Variants in JAK1 observed in about 807,000 individuals in gnomAD.
JAK1 encodes the protein tyrosine-protein kinase JAK1.
Under a neutral mutation model 136.6 loss-of-function variants are expected in JAK1, and 16 were observed. The observed-to-expected ratio is 0.12, with a 90% CI of 0.08 to 0.18. The LOEUF is 0.18. Among genes scored for constraint, JAK1 ranks in the 10% least tolerant of loss-of-function variants. The pLI is 1.00. For synonymous variants in JAK1, 492 were observed against 519.5 expected (o/e 0.95, Z 0.72); for missense variants, 859 against 1,450.1 (o/e 0.59, Z 6.62).
intron 2 of JAK1, chr1:64,972,115 C>G (rs1479591011): frequency 6.6e-6 from 1 of 152,090 alleles, no homozygotes; most frequent in African/African-American, 2.4e-5. Context: ...ATACAATGAC[C>G]CTAGTAGATG....
At chr1:64,953,835 T>C (rs1365714115) in intron 1 of JAK1, among the ~76,000 whole-genome samples, 2 of 151,692 alleles carry the variant, frequency 1.3e-5, no homozygotes, top group Non-Finnish European at 3.0e-5. Context: ...AATTTCTTTT[T>C]TTCTTTTTTT....
intron 2 of JAK1, chr1:64,974,459 C>T (rs1646480501): frequency 6.6e-6 from 1 of 152,192 alleles, no homozygotes; most frequent in Admixed American, 6.5e-5. Flanking sequence ...AGCCCATTTA[C>T]CTCAGTAAAT....
intron 1 of JAK1, among the ~76,000 whole-genome samples, chr1:64,905,546 T>C (rs764470547): frequency 6.6e-6 from 1 of 152,182 alleles, no homozygotes; most frequent in African/African-American, 2.4e-5. Flanking sequence ...TATTGTACAG[T>C]AGGCCCCCTG....
At chr1:64,881,847 G>A (rs1644777552) in intron 3 of JAK1, among the ~76,000 whole-genome samples, 1 of 152,078 alleles carries the variant, frequency 6.6e-6, no homozygotes, top group Non-Finnish European at 1.5e-5. Flanking sequence ...CAAACTGAGT[G>A]AGGTTTATAC....
chr1:65,065,207 G>C (rs1569982773), intron 1 of JAK1, among the ~76,000 whole-genome samples: 3 of 152,298 alleles, frequency 2.0e-5, no homozygotes, highest in Admixed American at 2.0e-4. Context: ...AAGGGAGACT[G>C]TTGGTTTTTA....
chr1:65,062,162 G>A (rs1647821315), intron 1 of JAK1, among the ~76,000 whole-genome samples: 1 of 151,966 alleles, frequency 6.6e-6, no homozygotes, highest in Non-Finnish European at 1.5e-5. Flanking sequence ...TACATGACTG[G>A]CCCATATATT....
intron 8 of JAK1, among the ~76,000 whole-genome samples, chr1:64,860,490 G>A (rs370217853): frequency 2.3e-4 from 35 of 151,478 alleles, no homozygotes; most frequent in African/African-American, 7.8e-4. Context: ...GTTTCACTCT[G>A]TCGCCCAGGC....
At chr1:64,921,130 C>T (rs770497235) in intron 1 of JAK1, among the ~76,000 whole-genome samples, 2 of 152,156 alleles carry the variant, frequency 1.3e-5, no homozygotes, top group African/African-American at 4.8e-5. Flanking sequence ...GCATGACTCA[C>T]ACATCTGAAT....
chr1:64,913,785 A>T (rs1241193640), intron 1 of JAK1, among the ~76,000 whole-genome samples: 1 of 151,952 alleles, frequency 6.6e-6, no homozygotes, highest in Non-Finnish European at 1.5e-5. Context: ...AACTCCATAT[A>T]AGGGTGGATC....
chr1:64,989,667 G>A (rs1646637073), intron 2 of JAK1: 1 of 152,120 alleles, frequency 6.6e-6, no homozygotes. Context: ...GAAGAACAAG[G>A]CCTGAGGCAA....
At chr1:64,988,691 T>C (rs1646622967) in intron 2 of JAK1, among the ~76,000 whole-genome samples, 1 of 150,740 alleles carries the variant, frequency 6.6e-6, no homozygotes, top group Non-Finnish European at 1.5e-5. Flanking sequence ...CAGACTAGCC[T>C]GGGAAACACA....
At position 64,883,311 on chromosome 1, in the gene JAK1, T is replaced by C. The variant is rs756508392; in HGVS notation, c.171A>G (p.Ala57=). The C allele has an allele frequency of 8.1e-6, 13 of 1,614,068 alleles. No homozygotes were observed. The East Asian group carries it at 2.2e-4, about 28-fold the overall frequency. ...PLRLGSGEYT[A]EELCIRAAQA... ...GTGCAGCCCTGATGCACAGTTCCTC[T>C]GCTGTGTACTCTCCACTGCCCAGCC... Residue 57 remains alanine, a synonymous_variant, in exon 3 of 25, where the codon GCA becomes GCG. Coordinates refer to ENST00000342505, the MANE Select transcript of JAK1 (RefSeq NM_002227.4).
chr1:64,857,624 A>G (rs774959161), intron 10 of JAK1, 32 bp downstream of exon 10: 6 of 1,612,920 alleles, frequency 3.7e-6, no homozygotes, highest in Non-Finnish European at 5.1e-6. Flanking sequence ...TCATGGCTGT[A>G]TGGCCTGGTC....
At chr1:64,838,963 G>A (rs1191373085) in intron 20 of JAK1, among the ~76,000 whole-genome samples, 1 of 150,736 alleles carries the variant, frequency 6.6e-6, no homozygotes, top group Non-Finnish European at 1.5e-5. Context: ...GGCTAACACG[G>A]TGAAACCCCG....
chr1:64,919,653 T>C (rs952528760), intron 1 of JAK1, among the ~76,000 whole-genome samples: 1 of 152,196 alleles, frequency 6.6e-6, no homozygotes, highest in African/African-American at 2.4e-5. Context: ...TGTTCCTATT[T>C]CTCCACATCA....
At chr1:64,991,565 T>C (rs1185564436) in intron 2 of JAK1, 1 of 152,272 alleles carries the variant, frequency 6.6e-6, no homozygotes, top group Non-Finnish European at 1.5e-5. Flanking sequence ...GGAATGCAGA[T>C]GCCTGCTTTC....
chr1:65,025,559 A>G (rs1646970902), intron 2 of JAK1, among the ~76,000 whole-genome samples: 1 of 152,218 alleles, frequency 6.6e-6, no homozygotes, highest in Non-Finnish European at 1.5e-5. Context: ...TAAAATCATT[A>G]AAAAGTCACT....
intron 2 of JAK1, among the ~76,000 whole-genome samples, chr1:65,013,789 C>G (rs1646870131): frequency 6.6e-6 from 1 of 152,120 alleles, no homozygotes; most frequent in African/African-American, 2.4e-5. Flanking sequence ...TAATAAGCAT[C>G]ACGTATGAGA....
In JAK1 at chr1:64,912,533, C is replaced by T. The variant is rs1383314085; in HGVS notation, c.-77-26192G>A. 3.3e-5 allele frequency among the ~76,000 whole-genome samples: 5 copies of T among 152,282 alleles called. No homozygotes were observed. The South Asian group carries it at 8.3e-4, about 25-fold the overall frequency. ...CTATGTCAAAAGATAGTAATGGTCA[C>T]GATCATAACACCAATAATAAAAGCT... On this transcript the variant is annotated intron_variant, in intron 1 of 24. Transcript: ENST00000342505.
Sources: gnomAD v4.1 joint callset for allele counts (sites outside exome capture counted in the v4.1 genomes callset) on GRCh38, gnomAD v4.1.1 for gene constraint, MANE v1.5 for transcripts, NCBI Gene and HGNC (gene_info 2026-07-23, HGNC 2026-07-21) for gene names.